The following FAM20A variants were observed in gnomAD, a reference collection of about 807,000 sequenced individuals.
FAM20A encodes pseudokinase FAM20A.
FAM20A carries 42 observed loss-of-function variants against 52.0 expected under a neutral mutation model. That is an observed-to-expected ratio of 0.81 (90% CI 0.63 to 1.04). The LOEUF is 1.04. FAM20A is among the 50% of genes least tolerant of loss of function. The pLI, the probability that FAM20A is intolerant of heterozygous loss-of-function variation, is 0.00. For synonymous variants in FAM20A, 304 were observed against 298.9 expected (o/e 1.02, Z -0.18); for missense variants, 742 against 712.7 (o/e 1.04, Z -0.47).
intron 8 of FAM20A, chr17:68,540,489 C>T (rs531836349): frequency 3.0e-5 from 14 of 471,476 alleles, no homozygotes; most frequent in East Asian, 6.6e-5. Context: ...CTTGTGTGTC[C>T]GTGGCCTCGC....
Position 68,593,746 on chromosome 17 carries a change from C to CAGGGCAAGCTGGGGGCTTTTCATGCCA in FAM20A, c.404+6490_404+6516dup, listed in dbSNP as rs1368347667. Among the ~76,000 whole-genome samples the CAGGGCAAGCTGGGGGCTTTTCATGCCA allele has an allele frequency of 8.5e-5, 13 of 152,206 alleles. No homozygotes were observed. In the East Asian group the frequency reaches 2.3e-3, roughly 27 times the overall value. On this transcript the variant is annotated intron_variant, in intron 1 of 10. Coordinates refer to ENST00000592554, the MANE Select transcript of FAM20A (RefSeq NM_017565.4). ...TCTGCAACAGCTATATTAGAGCGACCAGGGCAAGCTGGGGGCTTTTCATGC... is the reference window on the plus strand; with the variant it reads ...TCTGCAACAGCTATATTAGAGCGACCAGGGCAAGCTGGGGGCTTTTCATGCCAAGGGCAAGCTGGGGGCTTTTCATGC...
At chr17:68,591,043 A>G (rs1412955496) in intron 1 of FAM20A, among the ~76,000 whole-genome samples, 2 of 152,188 alleles carry the variant, frequency 1.3e-5, no homozygotes, top group African/African-American at 2.4e-5. Context: ...AGATAAGCAG[A>G]TGAACTATGG....
In FAM20A at chr17:68,552,665, C is replaced by CTTTTTTTTTTTTTTT. The variant is rs1568739140; in HGVS notation, c.641-715_641-714insAAAAAAAAAAAAAAA. Reference sequence around the variant, plus strand: ...CTGGAGCCCTGTAAACCTTTATTTTCCTTTTTTTTTTTTTTTTTTTTTTTT... The same window carrying CTTTTTTTTTTTTTTT: ...CTGGAGCCCTGTAAACCTTTATTTTCTTTTTTTTTTTTTTTCTTTTTTTTTTTTTTTTTTTTTTTT... On this transcript the variant is annotated intron_variant, in intron 3 of 10. Coordinates refer to ENST00000592554, the MANE Select transcript of FAM20A (RefSeq NM_017565.4). Among the ~76,000 whole-genome samples the CTTTTTTTTTTTTTTT allele has an allele frequency of 4.5e-5, 5 of 109,966 alleles. 1 individual carries two copies. Among genetic ancestry groups the CTTTTTTTTTTTTTTT allele is most frequent in the African/African-American group, 1.6e-4 (5 of 30,942 alleles). 72.1% of individuals were successfully genotyped at this position (109,966 alleles called of 152,430 possible).
intron 1 of FAM20A, among the ~76,000 whole-genome samples, chr17:68,571,561 G>A (rs1377630855): frequency 6.6e-6 from 1 of 152,196 alleles, no homozygotes; most frequent in African/African-American, 2.4e-5. Context: ...AAGCATTATA[G>A]TGAACTTCTA....
In FAM20A at chr17:68,596,201, CCACACA is replaced by C. The variant is rs140687859; in HGVS notation, c.404+4056_404+4061del. On this transcript the variant is annotated intron_variant, in intron 1 of 10. Coordinates refer to ENST00000592554, the MANE Select transcript of FAM20A (RefSeq NM_017565.4). ...AGACAGGAGTTTCTGATGTGGGAAA[CCACACA>C]CACACACACACACACCCCTAAGAAA... 8.7e-5 allele frequency among the ~76,000 whole-genome samples: 13 copies of C among 149,576 alleles called. No individual in the cohort carries two copies. In the South Asian group the frequency reaches 2.1e-3, roughly 24 times the overall value.
chr17:68,596,214 C>A (rs1196336939), intron 1 of FAM20A, among the ~76,000 whole-genome samples: 1 of 152,102 alleles, frequency 6.6e-6, no homozygotes, highest in Admixed American at 6.5e-5. Context: ...CACACACACA[C>A]ACACACACCC....
intron 1 of FAM20A, among the ~76,000 whole-genome samples, chr17:68,572,941 T>C (rs964163596): frequency 1.3e-5 from 2 of 152,148 alleles, no homozygotes; most frequent in African/African-American, 4.8e-5. Flanking sequence ...GCTGCAGTGA[T>C]CTGCTAGACC....
chr17:68,597,907 AG>A (rs1476811143), intron 1 of FAM20A: 1 of 152,032 alleles, frequency 6.6e-6, no homozygotes. Context: ...CATATTTGGC[AG>A]GGAGCACTCT....
At chr17:68,578,542 A>G (rs1355335827) in intron 1 of FAM20A, among the ~76,000 whole-genome samples, 1 of 152,098 alleles carries the variant, frequency 6.6e-6, no homozygotes, top group African/African-American at 2.4e-5. Flanking sequence ...TGAGATATTA[A>G]TGTGTTTTTT....
At chr17:68,566,769 C>T (rs1271286784) in intron 1 of FAM20A, among the ~76,000 whole-genome samples, 3 of 152,178 alleles carry the variant, frequency 2.0e-5, no homozygotes, top group African/African-American at 7.2e-5. Flanking sequence ...CTGGAGAAAA[C>T]ACATTTCTTT....
chr17:68,546,986 G>A (rs1203043656), intron 4 of FAM20A, among the ~76,000 whole-genome samples: 1 of 152,036 alleles, frequency 6.6e-6, no homozygotes, highest in African/African-American at 2.4e-5. Flanking sequence ...TATTACCAAT[G>A]AGCAGTAATA....
chr17:68,570,905 A>G (rs538388557), intron 1 of FAM20A, among the ~76,000 whole-genome samples: 49 of 152,316 alleles, frequency 3.2e-4, no homozygotes, highest in African/African-American at 1.1e-3. Flanking sequence ...ATTTGGTGAT[A>G]ATCCATTAAG....
intron 1 of FAM20A, among the ~76,000 whole-genome samples, chr17:68,586,440 T>A (rs2088166947): frequency 6.6e-6 from 1 of 152,208 alleles, no homozygotes; most frequent in Non-Finnish European, 1.5e-5. Flanking sequence ...TTTCGCAGAT[T>A]TAACTAAATT....
At position 68,565,609 on chromosome 17, in the gene FAM20A, G is replaced by A. The variant is rs574852857; in HGVS notation, c.405-9866C>T. Among the ~76,000 whole-genome samples the A allele has an allele frequency of 4.6e-5, 7 of 152,072 alleles. No homozygotes were observed. In the South Asian group the frequency reaches 1.5e-3, roughly 32 times the overall value. ...GGGTTTCACCACGTTGGTCAGGCTG[G>A]TTTTGAACTCCTGACCTCAGGTGAT... On this transcript the variant is annotated intron_variant, in intron 1 of 10. Transcript: ENST00000592554.
At chr17:68,576,457 C>T (rs1045779584) in intron 1 of FAM20A, among the ~76,000 whole-genome samples, 3 of 152,316 alleles carry the variant, frequency 2.0e-5, no homozygotes, top group East Asian at 1.9e-4. Flanking sequence ...CATGACCCTA[C>T]GTGCTGACTG....
At chr17:68,571,359 G>A (rs867054295) in intron 1 of FAM20A, among the ~76,000 whole-genome samples, 2 of 152,130 alleles carry the variant, frequency 1.3e-5, no homozygotes, top group East Asian at 1.9e-4. Context: ...ATAAATAACC[G>A]ATTATTAGAT....
chr17:68,599,387 G>A (rs542033842), intron 1 of FAM20A, among the ~76,000 whole-genome samples: 2 of 152,258 alleles, frequency 1.3e-5, no homozygotes, highest in East Asian at 3.9e-4. Context: ...CACTAGCAAG[G>A]GATCTCAGTA....
intron 1 of FAM20A, among the ~76,000 whole-genome samples, chr17:68,563,905 GCT>G (rs1000654690): frequency 1.3e-5 from 2 of 152,134 alleles, no homozygotes; most frequent in African/African-American, 2.4e-5. Flanking sequence ...CAAACACAGG[GCT>G]CTGTTTTGGT....
rs576818459 is a variant in FAM20A, at chr17:68,596,542, G to C, written c.404+3721C>G. Among the ~76,000 whole-genome samples the C allele has an allele frequency of 3.9e-5, 6 of 152,350 alleles. No homozygotes were observed. In the East Asian group the frequency reaches 7.7e-4, roughly 20 times the overall value. ...AAGAAATCCAAAGCTCAGTATCTAA[G>C]AATGCAAAGGCGAGCAACAGTGTGA... On this transcript the variant is annotated intron_variant, in intron 1 of 10. Coordinates refer to ENST00000592554, the MANE Select transcript of FAM20A (RefSeq NM_017565.4).
Sources: allele counts gnomAD v4.1 joint callset (sites outside exome capture counted in the v4.1 genomes callset), GRCh38; gene constraint gnomAD v4.1.1; transcripts MANE v1.5; gene names NCBI Gene and HGNC (gene_info 2026-07-23, HGNC 2026-07-21).